CAST: variants seen among roughly 807,000 people sequenced by gnomAD.
CAST encodes MIR583 host.
In CAST, 76 loss-of-function variants were observed where a neutral mutation model predicts 119.6. The observed-to-expected ratio is 0.64, with a 90% CI of 0.53 to 0.77. CAST has a LOEUF of 0.77. Ranked by LOEUF, CAST falls within the 30% of genes least tolerant of loss-of-function variation. The pLI is 0.00. For synonymous variants in CAST, 319 were observed against 331.6 expected (o/e 0.96, Z 0.41); for missense variants, 953 against 946.5 (o/e 1.01, Z -0.09).
upstream of CAST, among the ~76,000 whole-genome samples, chr5:96,529,460 G>A (rs180852845): frequency 2.6e-5 from 4 of 151,734 alleles, no homozygotes; most frequent in East Asian, 1.9e-4. Flanking sequence ...TAATTGAGCC[G>A]TGTTTAGGCT....
the CAST span, among the ~76,000 whole-genome samples, chr5:96,029,389 T>C: frequency 6.6e-6 from 1 of 151,960 alleles, no homozygotes; most frequent in South Asian, 2.1e-4. Context: ...TTAAAACTCA[T>C]AAAATGTAAA....
chr5:96,773,697 C>T lies in CAST; in HGVS notation c.*1081C>T, dbSNP rs1773258390. ...ACCACTTTGAATGGTTTTCTAATAT[C>T]TTAATGAATAGTTCCTGAACATTGC... is the stretch of plus-strand genomic sequence containing the variant. On this transcript the variant is annotated 3_prime_UTR_variant, in exon 32 of 32. Transcript: ENST00000675179. 1 of 152,218 alleles carries T rather than the reference C, an allele frequency of 6.6e-6. No individual in the cohort carries two copies. The highest frequency in any genetic ancestry group is 1.5e-5 in the Non-Finnish European group (1 of 68,024). The allele number at this position is 152,218 out of a possible 1,614,324, so 9.4% of individuals were successfully genotyped here.
chr5:96,608,803 A>G (rs1243501131), intron 1 of CAST, among the ~76,000 whole-genome samples: 1 of 152,200 alleles, frequency 6.6e-6, no homozygotes, highest in East Asian at 1.9e-4. Flanking sequence ...AAGAGGAAGG[A>G]GGCACATCTT....
chr5:96,418,998 A>G, the CAST span, among the ~76,000 whole-genome samples: 1 of 152,000 alleles, frequency 6.6e-6, no homozygotes, highest in South Asian at 2.1e-4. Context: ...CACAGCAAAC[A>G]CTTACTTAAC....
the CAST span, among the ~76,000 whole-genome samples, chr5:96,217,817 G>T: frequency 3.9e-5 from 6 of 152,130 alleles, no homozygotes; most frequent in African/African-American, 1.4e-4. Flanking sequence ...TTATCCTTAG[G>T]GATGCTGAGT....
chr5:96,288,230 A>G, the CAST span, among the ~76,000 whole-genome samples: 2 of 152,194 alleles, frequency 1.3e-5, no homozygotes, highest in East Asian at 3.8e-4. Flanking sequence ...TCTGGAGAAA[A>G]CTACATAGAC....
At position 96,636,016 on chromosome 5, in the gene CAST, A is replaced by G. The variant is rs142291847; in HGVS notation, c.61-39523A>G. Reference sequence around the variant, plus strand: ...GGAAGAAGCAAGCGTTGAGAGCTAAACAATCTTAGAATTCCAACTTGATTC... The same window carrying G: ...GGAAGAAGCAAGCGTTGAGAGCTAAGCAATCTTAGAATTCCAACTTGATTC... On this transcript the variant is annotated intron_variant, in intron 1 of 11. Coordinates refer to the CAST transcript ENST00000505143. 4.5e-3 allele frequency among the ~76,000 whole-genome samples: 680 copies of G among 152,322 alleles called. 4 individuals are homozygous for G. Among genetic ancestry groups the G allele is most frequent in the Middle Eastern group, 0.014 (4 of 294 alleles).
At chr5:95,988,691 G>A in the CAST span, among the ~76,000 whole-genome samples, 2 of 152,200 alleles carry the variant, frequency 1.3e-5, no homozygotes, top group East Asian at 3.9e-4. Context: ...ACCTTTCTAA[G>A]TCTCAGTCTT....
At chr5:96,538,454 A>G (rs1745857657) in intron 1 of CAST, among the ~76,000 whole-genome samples, 1 of 152,216 alleles carries the variant, frequency 6.6e-6, no homozygotes, top group East Asian at 1.9e-4. Flanking sequence ...TTTGGACATC[A>G]CTGAAAAGCA....
the CAST span, among the ~76,000 whole-genome samples, chr5:96,375,832 T>C: frequency 6.6e-6 from 1 of 150,878 alleles, no homozygotes; most frequent in African/African-American, 2.4e-5. Context: ...GGCCTATCCT[T>C]TGAGTTTTAA....
the CAST span, among the ~76,000 whole-genome samples, chr5:96,356,643 A>G: frequency 6.6e-6 from 1 of 152,188 alleles, no homozygotes; most frequent in Non-Finnish European, 1.5e-5. Flanking sequence ...AGATGGTTGT[A>G]GATGTGTGGC....
intron 1 of CAST, among the ~76,000 whole-genome samples, chr5:96,602,706 G>C (rs142264470): frequency 1.3e-5 from 2 of 152,210 alleles, no homozygotes; most frequent in African/African-American, 4.8e-5. Flanking sequence ...GCCAAATCAC[G>C]CCATTACACT....
the CAST span, among the ~76,000 whole-genome samples, chr5:96,131,418 T>TACACAC: frequency 1.6e-3 from 242 of 148,146 alleles, 1 homozygote; most frequent in African/African-American, 5.5e-3. Context: ...CTTGTTATTA[T>TACACAC]ACACACACAC....
the CAST span, among the ~76,000 whole-genome samples, chr5:96,027,510 A>G: frequency 6.6e-6 from 1 of 152,134 alleles, no homozygotes; most frequent in Non-Finnish European, 1.5e-5. Flanking sequence ...GAGTTCAGAA[A>G]GAATCAAAGA....
the CAST span, among the ~76,000 whole-genome samples, chr5:96,108,592 C>T: frequency 4.1e-4 from 63 of 152,226 alleles, no homozygotes; most frequent in African/African-American, 1.3e-3. Context: ...CTCAGATCTC[C>T]AGCTGCATTC....
chr5:96,743,918 G>T (rs943884048), intron 16 of CAST, among the ~76,000 whole-genome samples: 4 of 152,142 alleles, frequency 2.6e-5, no homozygotes, highest in African/African-American at 7.2e-5. Flanking sequence ...GGGCGACAGG[G>T]CCACAAGTAT....
the CAST span, among the ~76,000 whole-genome samples, chr5:96,506,649 TCCTC>T: frequency 6.3e-5 from 6 of 94,744 alleles, 1 homozygote; most frequent in South Asian, 2.9e-3. Context: ...GAGAGGCTTC[TCCTC>T]CCACTATGAG....
At chr5:96,461,273 T>G in the CAST span, among the ~76,000 whole-genome samples, 20 of 152,152 alleles carry the variant, frequency 1.3e-4, no homozygotes, top group African/African-American at 4.1e-4. Flanking sequence ...CTGATGAACA[T>G]TTGAATTGTT....
chr5:96,233,325 T>A, the CAST span, among the ~76,000 whole-genome samples: 1 of 152,072 alleles, frequency 6.6e-6, no homozygotes, highest in African/African-American at 2.4e-5. Context: ...GATATAGGAC[T>A]GGGATTCAAG....
Sources: gnomAD v4.1 joint callset for allele counts (sites outside exome capture counted in the v4.1 genomes callset) on GRCh38, gnomAD v4.1.1 for gene constraint, MANE v1.5 for transcripts, NCBI Gene and HGNC (gene_info 2026-07-23, HGNC 2026-07-21) for gene names.